Variants in SNTG1 observed in about 807,000 individuals in gnomAD.
The protein encoded by SNTG1 is gamma-1-syntrophin.
SNTG1 carries 39 observed loss-of-function variants against 74.7 expected under a neutral mutation model. That is an observed-to-expected ratio of 0.52 (90% CI 0.40 to 0.68). The LOEUF is 0.68. SNTG1 is among the 30% of genes least tolerant of loss of function. The probability of loss-of-function intolerance (pLI) is 0.00; values close to 1 mark genes in which losing one functional copy is unlikely to be tolerated. For missense variants in SNTG1, 685 were observed against 609.5 expected (o/e 1.12, Z -1.30); for synonymous variants, 254 against 217.1 (o/e 1.17, Z -1.49).
chr8:50,259,497 TCAAA>T (rs1563810022), intron 2 of SNTG1, among the ~76,000 whole-genome samples: 1 of 73,776 alleles, frequency 1.4e-5, no homozygotes, highest in African/African-American at 1.2e-4. Context: ...AGACGCTGTC[TCAAA>T]AAAAAAAAAA....
At chr8:50,232,921 TA>T (rs2085702751) in intron 2 of SNTG1, among the ~76,000 whole-genome samples, 2 of 151,520 alleles carry the variant, frequency 1.3e-5, no homozygotes, top group East Asian at 3.9e-4. Flanking sequence ...GTGAAATAAA[TA>T]AAAATGTAAA....
At chr8:50,319,175 A>G (rs1329920833) in intron 2 of SNTG1, among the ~76,000 whole-genome samples, 1 of 152,098 alleles carries the variant, frequency 6.6e-6, no homozygotes, top group Non-Finnish European at 1.5e-5. Context: ...AAATGATTTC[A>G]TATTTATAGT....
intron 4 of SNTG1, among the ~76,000 whole-genome samples, chr8:50,416,868 CAGAT>C (rs10537883): frequency 0.94 from 143,452 of 151,810 alleles, 68,066 homozygotes; most frequent in Non-Finnish European, 1. Flanking sequence ...TGGAGTCAAG[CAGAT>C]AGATACTTGT....
Position 50,724,142 on chromosome 8 carries a change from C to T in SNTG1, c.1284+15164C>T, listed in dbSNP as rs189789920. On this transcript the variant is annotated intron_variant, in intron 17 of 18. Coordinates refer to ENST00000642720, the MANE Select transcript of SNTG1 (RefSeq NM_018967.5). ...TGGTGTTATTTGTATTTAACATTTG[C>T]TTTGTATTTTAAACAATCTTAGTTA... Among the ~76,000 whole-genome samples the T allele has an allele frequency of 4.1e-4, 63 of 152,164 alleles. 1 individual carries two copies. The highest frequency in any genetic ancestry group is 2.2e-3 in the Admixed American group (34 of 15,270).
chr8:50,432,523 A>C (rs1452101158), intron 4 of SNTG1, among the ~76,000 whole-genome samples: 1 of 152,106 alleles, frequency 6.6e-6, no homozygotes, highest in Non-Finnish European at 1.5e-5. Flanking sequence ...ATCTAAACCT[A>C]AAAATTAGTT....
intron 2 of SNTG1, among the ~76,000 whole-genome samples, chr8:50,376,756 T>TATATATAGACAGAA (rs1381048539): frequency 1.1e-5 from 1 of 89,988 alleles, no homozygotes; most frequent in Non-Finnish European, 2.2e-5. Context: ...TATATATATA[T>TATATATAGACAGAA]AGAGAGAGAG....
chr8:50,691,842 G>A (rs2095381374), intron 15 of SNTG1, among the ~76,000 whole-genome samples: 1 of 152,176 alleles, frequency 6.6e-6, no homozygotes, highest in African/African-American at 2.4e-5. Context: ...CCTGGAGAGT[G>A]TTTTCCAACT....
At chr8:50,308,997 G>A (rs879422496) in intron 2 of SNTG1, among the ~76,000 whole-genome samples, 1 of 152,020 alleles carries the variant, frequency 6.6e-6, no homozygotes, top group Non-Finnish European at 1.5e-5. Context: ...ACTTTGAAAG[G>A]CTTTCCTGAT....
chr8:50,357,756 T>G (rs2091858085), intron 2 of SNTG1, among the ~76,000 whole-genome samples: 1 of 152,188 alleles, frequency 6.6e-6, no homozygotes, highest in Non-Finnish European at 1.5e-5. Context: ...GGTGTGCCTT[T>G]AAAGAATATA....
intron 2 of SNTG1, among the ~76,000 whole-genome samples, chr8:50,326,066 T>A (rs1319476413): frequency 1.3e-5 from 2 of 152,068 alleles, no homozygotes; most frequent in African/African-American, 2.4e-5. Context: ...CTTTGGAGCC[T>A]GAAATGAATT....
At chr8:50,138,898 T>A (rs2081569034) in intron 1 of SNTG1, among the ~76,000 whole-genome samples, 1 of 152,074 alleles carries the variant, frequency 6.6e-6, no homozygotes, top group East Asian at 1.9e-4. Context: ...ATACAGTGTA[T>A]CATACTGACT....
intron 15 of SNTG1, among the ~76,000 whole-genome samples, chr8:50,669,367 T>C (rs1292226321): frequency 7.9e-5 from 12 of 152,152 alleles, no homozygotes; most frequent in East Asian, 1.9e-4. Context: ...ATATCACCAC[T>C]GATCCCACAG....
chr8:50,595,036 G>A (rs921283474), intron 13 of SNTG1, among the ~76,000 whole-genome samples: 1 of 151,590 alleles, frequency 6.6e-6, no homozygotes, highest in Non-Finnish European at 1.5e-5. Flanking sequence ...GTGTGTGTGT[G>A]TGTGTGTGTG....
Position 50,508,947 on chromosome 8 carries a change from G to A in SNTG1, c.466+6067G>A, listed in dbSNP as rs191764561. On this transcript the variant is annotated intron_variant, in intron 9 of 18. Coordinates refer to ENST00000642720, the MANE Select transcript of SNTG1 (RefSeq NM_018967.5). ...TAATTAGATCCCATTTGTCAATATTGGCTTTTGTTGCCATTGCTTTTGGTG... is the reference window on the plus strand; with the variant it reads ...TAATTAGATCCCATTTGTCAATATTAGCTTTTGTTGCCATTGCTTTTGGTG... 3.5e-3 allele frequency among the ~76,000 whole-genome samples: 540 copies of A among 152,184 alleles called. 5 individuals are homozygous for A. Among genetic ancestry groups the A allele is most frequent in the Admixed American group, 0.017 (257 of 15,278 alleles).
At chr8:50,714,889 T>C (rs1265828564) in intron 17 of SNTG1, among the ~76,000 whole-genome samples, 1 of 152,036 alleles carries the variant, frequency 6.6e-6, no homozygotes, top group Non-Finnish European at 1.5e-5. Flanking sequence ...TTTCCCTCAA[T>C]GACTCATTAT....
At chr8:49,922,603 C>G (rs1159693746) in intron 1 of SNTG1, among the ~76,000 whole-genome samples, 2 of 151,948 alleles carry the variant, frequency 1.3e-5, no homozygotes, top group Admixed American at 1.3e-4. Flanking sequence ...GGAGATGATC[C>G]CTACCCTTAA....
intron 2 of SNTG1, among the ~76,000 whole-genome samples, chr8:50,217,008 A>T (rs961505437): frequency 1.2e-4 from 18 of 151,190 alleles, no homozygotes; most frequent in African/African-American, 2.4e-4. Context: ...AAATTTATAA[A>T]ATATATATAT....
In SNTG1 at chr8:50,672,912, C is replaced by T. The variant is rs111947779; in HGVS notation, c.1038+14249C>T. Among the ~76,000 whole-genome samples, 592 of 152,260 alleles carry T rather than the reference C, an allele frequency of 3.9e-3. 5 individuals are homozygous for T. The highest frequency in any genetic ancestry group is 0.012 in the African/African-American group (479 of 41,554). On this transcript the variant is annotated intron_variant, in intron 15 of 18. Coordinates refer to ENST00000642720, the MANE Select transcript of SNTG1 (RefSeq NM_018967.5). ...TTTCACTTTTCTGCAAATGGCTCAC[C>T]AGTTTTCCCAGCATCATTTATTAAA... is the stretch of plus-strand genomic sequence containing the variant.
chr8:50,775,561 C>G (rs991807327), intron 18 of SNTG1, among the ~76,000 whole-genome samples: 1 of 151,570 alleles, frequency 6.6e-6, no homozygotes, highest in African/African-American at 2.4e-5. Context: ...CAAGTTTCTA[C>G]AGAAACTTGC....
Sources: gnomAD v4.1 joint callset for allele counts (sites outside exome capture counted in the v4.1 genomes callset) on GRCh38, gnomAD v4.1.1 for gene constraint, MANE v1.5 for transcripts, NCBI Gene and HGNC (gene_info 2026-07-23, HGNC 2026-07-21) for gene names.